Variants in ZNF736 observed in about 807,000 individuals in gnomAD.
The protein encoded by ZNF736 is zinc finger protein 736.
ZNF736 carries 6 observed loss-of-function variants against 11.7 expected under a neutral mutation model. The observed-to-expected ratio is 0.51, with a 90% CI of 0.28 to 1.01. The LOEUF (loss-of-function observed/expected upper bound fraction) is 1.01. Among genes scored for constraint, ZNF736 ranks in the 50% least tolerant of loss-of-function variants. ZNF736 has a pLI of 0.09. For missense variants in ZNF736, 444 were observed against 496.0 expected, an observed-to-expected ratio of 0.90 and a Z score of 1.00; for synonymous variants, 139 against 164.7, an observed-to-expected ratio of 0.84 and a Z score of 1.19.
chr7:64,314,316 T>G (rs1452814311), intron 1 of ZNF736, among the ~76,000 whole-genome samples, 163 bp downstream of exon 1: 1 of 152,118 alleles, frequency 6.6e-6, no homozygotes, highest in East Asian at 1.9e-4. Flanking sequence ...CATCGCAGAT[T>G]AGGGGCTGAG....
intron 1 of ZNF736, among the ~76,000 whole-genome samples, chr7:64,332,024 G>C (rs1789176458): frequency 6.6e-6 from 1 of 152,134 alleles, no homozygotes; most frequent in Non-Finnish European, 1.5e-5. Flanking sequence ...TTTTGCTCAT[G>C]CTTCAAAGGC....
At chr7:64,314,688 C>A (rs565796634) in intron 1 of ZNF736, among the ~76,000 whole-genome samples, 2 of 152,304 alleles carry the variant, frequency 1.3e-5, no homozygotes, top group African/African-American at 4.8e-5. Context: ...CCCCAGCCCC[C>A]CAAGTAGCTA....
At chr7:64,326,923 A>G (rs1402928062) in intron 1 of ZNF736, among the ~76,000 whole-genome samples, 1 of 152,032 alleles carries the variant, frequency 6.6e-6, no homozygotes, top group Non-Finnish European at 1.5e-5. Flanking sequence ...ATATAATCTT[A>G]TTTGGGGGGA....
At position 64,348,922 on chromosome 7, in the gene ZNF736, C is replaced by T. The variant is rs1162338231; in HGVS notation, c.1059C>T (p.Ser353=). ...AATGTGGCAAAGCCTTTACCCGCTCCTCAACCCTTTTTAACCACAAGAGAA... is the reference window on the plus strand; with the variant it reads ...AATGTGGCAAAGCCTTTACCCGCTCTTCAACCCTTTTTAACCACAAGAGAA... ...CEECGKAFTR[S]STLFNHKRIH... is the part of the protein sequence containing the mutation. The change falls in exon 4 of 4, where the codon TCC becomes TCT. Residue 353 remains serine, a synonymous_variant. Transcript: ENST00000423484. The T allele has an allele frequency of 6.2e-7, 1 of 1,604,466 alleles. No homozygotes were observed. The highest frequency in any genetic ancestry group is 1.1e-5 in the South Asian group (1 of 89,928).
chr7:64,349,099 C>A lies in ZNF736; in HGVS notation c.1236C>A (p.Leu412=). The change falls in exon 4 of 4, where the codon CTC becomes CTA. Residue 412 remains leucine (L), a synonymous_variant. Transcript: ENST00000423484. ...AAGCATCGAGCTGGTTCTCACACCT[C>A]ATCAGACATAAGAGAATTCATACTA... ...CGKASSWFSH[L]IRHKRIHTRE... 6.3e-7 allele frequency: 1 copy of A among 1,587,192 alleles called. No homozygotes were observed. Among genetic ancestry groups the A allele is most frequent in the Admixed American group, 1.8e-5 (1 of 56,048 alleles).
intron 1 of ZNF736, among the ~76,000 whole-genome samples, chr7:64,333,804 A>G (rs1470579629): frequency 1.3e-5 from 2 of 152,238 alleles, no homozygotes; most frequent in African/African-American, 4.8e-5. Flanking sequence ...TTTAAATTTT[A>G]TATGGAACCA....
intron 1 of ZNF736, among the ~76,000 whole-genome samples, chr7:64,333,671 C>A (rs62463907): frequency 0.057 from 8,462 of 148,652 alleles, 374 homozygotes; most frequent in Admixed American, 0.14. Context: ...AAAAAAAATC[C>A]GTGCTCATGG....
At chr7:64,323,017 G>A (rs1789023393) in intron 1 of ZNF736, among the ~76,000 whole-genome samples, 1 of 152,100 alleles carries the variant, frequency 6.6e-6, no homozygotes, top group Admixed American at 6.6e-5. Flanking sequence ...ACTGTTTATG[G>A]ATTCCCTTCT....
intron 1 of ZNF736, among the ~76,000 whole-genome samples, chr7:64,320,425 A>T (rs1788987704): frequency 6.6e-6 from 1 of 152,200 alleles, no homozygotes. Flanking sequence ...AAACAAATAC[A>T]TTAGTAATTA....
chr7:64,353,603 C>G lies in ZNF736; in HGVS notation c.*4456C>G, dbSNP rs987103308. On this transcript the variant is annotated 3_prime_UTR_variant, in exon 4 of 4. Transcript: ENST00000423484. ...GGTTGCACCAGAGTTGTGAGAGGTT[C>G]TTCTATATTAGATGGACAGATTTAT... 1.3e-5 allele frequency: 2 copies of G among 152,124 alleles called. No individual in the cohort carries two copies. Among genetic ancestry groups the G allele is most frequent in the African/African-American group, 4.8e-5 (2 of 41,416 alleles). The allele number at this position is 152,124 out of a possible 1,614,324, so 9.4% of individuals were successfully genotyped here.
intron 3 of ZNF736, among the ~76,000 whole-genome samples, chr7:64,344,067 C>T (rs1261157147): frequency 3.3e-5 from 5 of 151,876 alleles, no homozygotes; most frequent in Non-Finnish European, 7.4e-5. Context: ...CTTTGGGAGG[C>T]GAAGGTGGGC....
At position 64,337,758 on chromosome 7, in the gene ZNF736, T is replaced by TTG. The variant is rs1370483970; in HGVS notation, c.226+777_226+778insGT. On this transcript the variant is annotated intron_variant, in intron 3 of 3. Transcript: ENST00000423484. ...TTTGTTTTGTTTTGTTTTTTTTGGT[T>TTG]TTTTTTTTTTTTTGAGACAGAGTTT... Among the ~76,000 whole-genome samples, 7 of 136,976 alleles carry TTG rather than the reference T, an allele frequency of 5.1e-5. No individual in the cohort carries two copies. The East Asian group carries it at 6.1e-4, about 12-fold the overall frequency. The allele number at this position is 136,976 out of a possible 152,430, so 89.9% of individuals were successfully genotyped here.
Position 64,314,132 on chromosome 7 carries a change from A to G in ZNF736, c.-19A>G. ...GGGAGATCCATAGGGAGGACGGCGGAACATCTGGAGGCTGGGAAATGGTGA... is the reference window on the plus strand; with the variant it reads ...GGGAGATCCATAGGGAGGACGGCGGGACATCTGGAGGCTGGGAAATGGTGA... On this transcript the variant is annotated 5_prime_UTR_variant, in exon 1 of 4. Coordinates refer to ENST00000423484, the MANE Select transcript of ZNF736 (RefSeq NM_001170905.3). 1 of 1,552,098 alleles carries G rather than the reference A, an allele frequency of 6.4e-7. No homozygotes were observed. Among genetic ancestry groups the G allele is most frequent in the Non-Finnish European group, 8.7e-7 (1 of 1,147,304 alleles).
chr7:64,350,238 A>T lies in ZNF736; in HGVS notation c.*1091A>T, dbSNP rs991079975. 6.6e-6 allele frequency: 1 copy of T among 152,044 alleles called. No individual in the cohort carries two copies. Among genetic ancestry groups the T allele is most frequent in the African/African-American group, 2.4e-5 (1 of 41,406 alleles). 9.4% of individuals were successfully genotyped at this position (152,044 alleles called of 1,614,324 possible). A position where few individuals can be genotyped will look rare whatever the true frequency, so the allele number is the denominator to read the frequency against. The stretch of plus-strand genomic sequence containing the variant: ...CTTTACATAATCCCATATTTCTTAG[A>T]GGTTTTGTTCATTCCTCTTTATTCT... On this transcript the variant is annotated 3_prime_UTR_variant, in exon 4 of 4. Coordinates refer to ENST00000423484, the MANE Select transcript of ZNF736 (RefSeq NM_001170905.3).
chr7:64,321,613 A>G lies in ZNF736; in HGVS notation c.3+7460A>G, dbSNP rs140239383. On this transcript the variant is annotated intron_variant, in intron 1 of 3. Transcript: ENST00000423484. Reference sequence around the variant, plus strand: ...AGTGAGGGTTGAAAAGAACAGCTCAAGCAAAGTCTTGACCTCATGAAATAG... The same window carrying G: ...AGTGAGGGTTGAAAAGAACAGCTCAGGCAAAGTCTTGACCTCATGAAATAG... Among the ~76,000 whole-genome samples the G allele has an allele frequency of 2.0e-5, 3 of 152,330 alleles. No individual in the cohort carries two copies. In the East Asian group the frequency reaches 5.8e-4, roughly 29 times the overall value.
chr7:64,337,028 A>T (rs184572277), intron 3 of ZNF736, 46 bp downstream of exon 3: 4 of 1,514,418 alleles, frequency 2.6e-6, no homozygotes, highest in East Asian at 4.7e-5. Context: ...ACGGATCCCA[A>T]TGTCAAGGAG....
chr7:64,315,115 C>T (rs1345221831), intron 1 of ZNF736, among the ~76,000 whole-genome samples: 2 of 152,140 alleles, frequency 1.3e-5, no homozygotes, highest in Non-Finnish European at 2.9e-5. Context: ...TCTTGCTTCA[C>T]CTTCATCCAT....
At chr7:64,339,584 G>T (rs1056889036) in intron 3 of ZNF736, among the ~76,000 whole-genome samples, 3 of 152,260 alleles carry the variant, frequency 2.0e-5, no homozygotes, top group African/African-American at 4.8e-5. Context: ...TGTCAAAGAT[G>T]AGTTGATCTT....
intron 1 of ZNF736, among the ~76,000 whole-genome samples, chr7:64,326,942 T>TA (rs1208941349): frequency 6.6e-6 from 1 of 152,162 alleles, no homozygotes; most frequent in Non-Finnish European, 1.5e-5. Flanking sequence ...GAGATTATTT[T>TA]AAGAGTTATT....
Sources: allele counts gnomAD v4.1 joint callset (sites outside exome capture counted in the v4.1 genomes callset), GRCh38; gene constraint gnomAD v4.1.1; transcripts MANE v1.5; gene names NCBI Gene and HGNC (gene_info 2026-07-23, HGNC 2026-07-21).